The following RNF130 variants were observed in gnomAD, a reference collection of about 807,000 sequenced individuals.
RNF130 encodes the protein ring finger protein 130, also known as E3 ubiquitin-protein ligase RNF130.
A neutral mutation model predicts 44.6 loss-of-function variants in RNF130; 21 were observed. The ratio of observed to expected loss-of-function variants is 0.47; its 90% CI spans 0.33 to 0.68. The LOEUF (loss-of-function observed/expected upper bound fraction) is 0.68, where lower values mean the gene tolerates loss of function less well. Ranked by LOEUF, RNF130 falls within the 30% of genes least tolerant of loss-of-function variation. The pLI, the probability that RNF130 is intolerant of heterozygous loss-of-function variation, is 0.02. For synonymous variants in RNF130, 214 were observed against 210.4 expected, an observed-to-expected ratio of 1.02 and a Z score of -0.15; for missense variants, 479 against 560.6, an observed-to-expected ratio of 0.85 and a Z score of 1.47.
chr5:179,936,242 T>C (rs1761890143), intron 7 of RNF130, among the ~76,000 whole-genome samples: 1 of 152,142 alleles, frequency 6.6e-6, no homozygotes, highest in South Asian at 2.1e-4. Flanking sequence ...GGCCTCAGCC[T>C]CTGAGCAGCT....
At chr5:180,044,616 G>T (rs1764513030) in intron 1 of RNF130, among the ~76,000 whole-genome samples, 1 of 152,102 alleles carries the variant, frequency 6.6e-6, no homozygotes, top group Non-Finnish European at 1.5e-5. Context: ...GACAGATCAT[G>T]GGGTCATGAG....
chr5:180,069,348 G>A (rs1401286449), intron 1 of RNF130, among the ~76,000 whole-genome samples: 1 of 152,142 alleles, frequency 6.6e-6, no homozygotes, highest in African/African-American at 2.4e-5. Context: ...CTGAAAAACT[G>A]CGTATGTGTG....
rs368728115 is a variant in RNF130 at position 179,966,884 on chromosome 5, G to A, written c.1072C>T (p.Arg358Ter). 5.0e-6 allele frequency: 8 copies of A among 1,614,214 alleles called. No individual in the cohort carries two copies. The highest frequency in any genetic ancestry group is 6.8e-6 in the Non-Finnish European group (8 of 1,180,036). ...GGAAGAGGTGAGATCCCCGAAGTTC[G>A]AAGTGGCTCAAGGCCAAGGGAGTTG... The part of the protein sequence containing the change: ...GDNSLGLEPL[R>*]TSGISPLPQD... The change falls in exon 7 of 9, where the codon CGA (arginine) becomes TGA (stop). Residue 358 changes from arginine (R) to a stop codon, truncating the protein, a stop_gained. Transcript: ENST00000521389. LOFTEE classifies it high-confidence loss of function.
chr5:179,916,487 G>C (rs1419875864), exon 8 of RNF130: 1 of 152,226 alleles, frequency 6.6e-6, no homozygotes, highest in Admixed American at 6.5e-5. Context: ...AAAATGTCAA[G>C]CTTGTAAAAT....
intron 7 of RNF130, among the ~76,000 whole-genome samples, chr5:179,921,522 G>A (rs920350451): frequency 6.6e-6 from 1 of 152,242 alleles, no homozygotes; most frequent in Non-Finnish European, 1.5e-5. Context: ...TCCTGGCTGG[G>A]TGTGGTGGCT....
chr5:179,926,606 C>A (rs184491743), intron 7 of RNF130, among the ~76,000 whole-genome samples: 6 of 152,128 alleles, frequency 3.9e-5, no homozygotes, highest in Non-Finnish European at 7.4e-5. Context: ...CGAGATAGCG[C>A]CATTGCACTC....
At chr5:179,933,393 C>T (rs935288770) in intron 7 of RNF130, among the ~76,000 whole-genome samples, 1 of 4,344 alleles carries the variant, frequency 2.3e-4, no homozygotes, top group African/African-American at 9.2e-4. Context: ...TTCTCATAAC[C>T]CTATTTGTGT....
At chr5:179,968,415 C>T (rs1006167940) in intron 6 of RNF130, among the ~76,000 whole-genome samples, 2 of 152,144 alleles carry the variant, frequency 1.3e-5, no homozygotes, top group Non-Finnish European at 2.9e-5. Flanking sequence ...CCTGTAATCC[C>T]GGCACTGTGG....
rs917445466 is a variant in RNF130 at position 179,977,926 on chromosome 5, C to G, written c.848+277G>C. On this transcript the variant is annotated intron_variant, in intron 5 of 8. Transcript: ENST00000521389. The surrounding 1 kb of genome is among the most constrained non-coding windows in gnomAD (Gnocchi z 4.1). ...TAAACGAAACCATAGAACAAGAATTCTCGACCTCAACACTCCTAGGCTGTG... is the reference window on the plus strand; with the variant it reads ...TAAACGAAACCATAGAACAAGAATTGTCGACCTCAACACTCCTAGGCTGTG... 6.6e-6 allele frequency among the ~76,000 whole-genome samples: 1 copy of G among 152,180 alleles called. No homozygotes were observed. Among genetic ancestry groups the G allele is most frequent in the Non-Finnish European group, 1.5e-5 (1 of 68,018 alleles).
At position 179,955,607 on chromosome 5, in the gene RNF130, T is replaced by G. The variant is rs1310815495; in HGVS notation, c.*47A>C. ...GTAAATGATGCACAAAAATAGGTTC[T>G]TTTTTCCTTCAAGGCAAAATCAGTC... On this transcript the variant is annotated 3_prime_UTR_variant, in exon 9 of 9. Coordinates refer to ENST00000521389, the MANE Select transcript of RNF130 (RefSeq NM_018434.6). 1 of 1,540,424 alleles carries G rather than the reference T, an allele frequency of 6.5e-7. No individual in the cohort carries two copies. Among genetic ancestry groups the G allele is most frequent in the Admixed American group, 2.0e-5 (1 of 49,998 alleles).
chr5:180,042,384 C>T (rs765959552), intron 1 of RNF130, among the ~76,000 whole-genome samples: 2 of 152,124 alleles, frequency 1.3e-5, no homozygotes, highest in African/African-American at 4.8e-5. Flanking sequence ...CATTACCTAC[C>T]CTTTTCCTTA....
At chr5:179,987,734 T>C (rs929855595) in intron 3 of RNF130, among the ~76,000 whole-genome samples, 2 of 152,266 alleles carry the variant, frequency 1.3e-5, no homozygotes, top group Non-Finnish European at 2.9e-5. Flanking sequence ...CTGGTATTTG[T>C]TGTTCCTTTA....
chr5:180,004,513 T>C (rs1272047166), intron 3 of RNF130, among the ~76,000 whole-genome samples: 2 of 152,366 alleles, frequency 1.3e-5, no homozygotes, highest in Non-Finnish European at 2.9e-5. Context: ...TATAAAATGC[T>C]GAAAAGACTT....
chr5:179,940,197 C>T, intron 7 of RNF130: 1 of 152,314 alleles, frequency 6.6e-6, no homozygotes, highest in Non-Finnish European at 1.5e-5. Flanking sequence ...CTGGCAGTGG[C>T]TCCTCACTTT....
intron 3 of RNF130, among the ~76,000 whole-genome samples, 188 bp downstream of exon 3, chr5:180,012,873 T>C (rs1763624206): frequency 6.6e-6 from 1 of 152,212 alleles, no homozygotes; most frequent in South Asian, 2.1e-4. Flanking sequence ...ACAATAAATT[T>C]AGTACCTTTT....
At chr5:179,963,126 C>T (rs904742444) in intron 8 of RNF130, among the ~76,000 whole-genome samples, 1 of 152,240 alleles carries the variant, frequency 6.6e-6, no homozygotes, top group African/African-American at 2.4e-5. Flanking sequence ...GCAAAGTGGG[C>T]TCTTCCCATC....
intron 7 of RNF130, among the ~76,000 whole-genome samples, chr5:179,937,089 A>G (rs1379965177): frequency 6.6e-5 from 10 of 152,282 alleles, no homozygotes; most frequent in Admixed American, 6.5e-4. Context: ...AAACAGACAA[A>G]TTGGATATCA....
chr5:179,923,065 T>G (rs1158505859), intron 7 of RNF130, among the ~76,000 whole-genome samples: 1 of 152,162 alleles, frequency 6.6e-6, no homozygotes, highest in Non-Finnish European at 1.5e-5. Context: ...AAGATCAAAT[T>G]TATTGATTTT....
intron 2 of RNF130, among the ~76,000 whole-genome samples, chr5:180,037,255 G>A (rs534336841): frequency 6.6e-5 from 10 of 152,306 alleles, no homozygotes; most frequent in Non-Finnish European, 1.3e-4. Flanking sequence ...TAACAAGGGT[G>A]GAAAGAAGGA....
Sources: allele counts gnomAD v4.1 joint callset (sites outside exome capture counted in the v4.1 genomes callset), GRCh38; gene constraint gnomAD v4.1.1; non-coding constraint Gnocchi (gnomAD v3.1); transcripts MANE v1.5; gene names NCBI Gene and HGNC (gene_info 2026-07-23, HGNC 2026-07-21).